FMN1: variants seen among roughly 807,000 people sequenced by gnomAD.
The protein encoded by FMN1 is formin-1.
In FMN1, 110 loss-of-function variants were observed where a neutral mutation model predicts 132.4. The ratio of observed to expected loss-of-function variants is 0.83; its 90% CI spans 0.71 to 0.97. FMN1 has a LOEUF of 0.97. FMN1 is among the 50% of genes least tolerant of loss of function. FMN1 has a pLI of 0.00. For synonymous variants in FMN1, 722 were observed against 651.7 expected, an observed-to-expected ratio of 1.11 and a Z score of -1.64; for missense variants, 1,792 against 1,705.3, an observed-to-expected ratio of 1.05 and a Z score of -0.90.
intron 15 of FMN1, among the ~76,000 whole-genome samples, chr15:32,888,571 C>T: frequency 6.6e-6 from 1 of 152,174 alleles, no homozygotes; most frequent in East Asian, 1.9e-4. Context: ...GTCAGGTCGT[C>T]CTGATCTTGG....
At chr15:33,167,219 G>T (rs1323376357) in intron 3 of FMN1, among the ~76,000 whole-genome samples, 5 of 152,108 alleles carry the variant, frequency 3.3e-5, no homozygotes, top group African/African-American at 1.2e-4. Flanking sequence ...AATCATGGTG[G>T]CGGTTTTCCC....
At chr15:33,094,828 G>A (rs561101207) in intron 4 of FMN1, among the ~76,000 whole-genome samples, 1 of 152,130 alleles carries the variant, frequency 6.6e-6, no homozygotes, top group African/African-American at 2.4e-5. Flanking sequence ...AGTTACACTG[G>A]ATATTTTAAC....
At chr15:33,075,020 C>CAAAAAAAAAAAAAAAAAAAAA in intron 5 of FMN1, among the ~76,000 whole-genome samples, 1 of 61,662 alleles carries the variant, frequency 1.6e-5, no homozygotes, top group Non-Finnish European at 2.8e-5. Context: ...GATTCCATCT[C>CAAAAAAAAAAAAAAAAAAAAA]AAAAAAAAAA....
chr15:32,788,270 G>C (rs2056947010), intron 19 of FMN1, among the ~76,000 whole-genome samples: 1 of 152,230 alleles, frequency 6.6e-6, no homozygotes, highest in African/African-American at 2.4e-5. Flanking sequence ...AAAGGTAACA[G>C]CATCGCATTC....
At chr15:32,924,818 G>A (rs1339692504) in intron 10 of FMN1, among the ~76,000 whole-genome samples, 1 of 152,186 alleles carries the variant, frequency 6.6e-6, no homozygotes, top group Admixed American at 6.5e-5. Flanking sequence ...GGAGGCTGAG[G>A]CAGGAGAATC....
chr15:33,153,782 G>A lies in FMN1; in HGVS notation c.1133C>T (p.Ala378Val), dbSNP rs114943683. Residue 378 changes from alanine to valine, a missense_variant, in exon 4 of 21, where the codon GCT becomes GTT. Physicochemically the swap from Ala to Val is moderately conservative, Grantham distance 64. Transcript: ENST00000616417. The stretch of plus-strand genomic sequence containing the variant: ...CTGCCGCCTGGAGCCATGAGCCCCA[G>A]CCTCAGCTCCCGGGAGGGTGAGCAA... ...ADLLTLPGAE[A>V]GAHGSRRQGK... 94,083 of 1,536,292 alleles carry A rather than the reference G, an allele frequency of 0.061. 3,129 individuals are homozygous for A. Among genetic ancestry groups the A allele is most frequent in the East Asian group, 0.12 (4,866 of 40,904 alleles).
chr15:32,806,894 A>AC (rs2057700855), intron 17 of FMN1, among the ~76,000 whole-genome samples: 1 of 151,618 alleles, frequency 6.6e-6, no homozygotes, highest in African/African-American at 2.4e-5. Context: ...CACACCCTCT[A>AC]CCCCTACCTT....
At chr15:32,884,051 T>C (rs2059836760) in intron 16 of FMN1, among the ~76,000 whole-genome samples, 1 of 151,792 alleles carries the variant, frequency 6.6e-6, no homozygotes, top group Non-Finnish European at 1.5e-5. Context: ...TGTGTGTTTG[T>C]GTATGTGTGT....
chr15:33,128,050 G>A (rs995749262), intron 4 of FMN1, among the ~76,000 whole-genome samples: 5 of 152,092 alleles, frequency 3.3e-5, no homozygotes, highest in African/African-American at 7.2e-5. Context: ...ACACAGGTCA[G>A]GTGACAGAAA....
chr15:33,034,028 T>C (rs916377525), intron 6 of FMN1, among the ~76,000 whole-genome samples: 1 of 152,096 alleles, frequency 6.6e-6, no homozygotes, highest in Non-Finnish European at 1.5e-5. Flanking sequence ...TGGTTCTTCT[T>C]CTCCTCTACG....
chr15:33,056,742 T>C (rs2037234835), intron 6 of FMN1, among the ~76,000 whole-genome samples: 1 of 152,212 alleles, frequency 6.6e-6, no homozygotes, highest in African/African-American at 2.4e-5. Context: ...TGTTGCAATA[T>C]ATTCATACAA....
At chr15:32,799,337 C>T (rs113615613) in intron 18 of FMN1, among the ~76,000 whole-genome samples, 2,194 of 152,256 alleles carry the variant, frequency 0.014, 25 homozygotes, top group African/African-American at 0.018. Flanking sequence ...GCATTAGCAG[C>T]GGTCAGTTCG....
chr15:32,998,424 G>C (rs2033905577), intron 7 of FMN1, among the ~76,000 whole-genome samples: 1 of 152,196 alleles, frequency 6.6e-6, no homozygotes, highest in Admixed American at 6.5e-5. Flanking sequence ...TCTTTTCCCA[G>C]GCCAGAAATG....
intron 9 of FMN1, among the ~76,000 whole-genome samples, chr15:32,944,193 C>T (rs2061456558): frequency 6.6e-6 from 1 of 152,222 alleles, no homozygotes; most frequent in Admixed American, 6.5e-5. Flanking sequence ...GCAATTGTTA[C>T]TTGGCAGGTG....
Position 33,062,491 on chromosome 15 carries a change from G to A in FMN1, c.2161+2466C>T, listed in dbSNP as rs548317068. Among the ~76,000 whole-genome samples the A allele has an allele frequency of 1.4e-3, 212 of 152,098 alleles. 1 individual carries two copies. The highest frequency in any genetic ancestry group is 4.4e-3 in the African/African-American group (184 of 41,510). Reference sequence around the variant, plus strand: ...AAAAAAAATAGTCGGGCATGGTGGCGGGCGCCTGTAGTCCCAGCTACTCGG... The same window carrying A: ...AAAAAAAATAGTCGGGCATGGTGGCAGGCGCCTGTAGTCCCAGCTACTCGG... On this transcript the variant is annotated intron_variant, in intron 6 of 20. Coordinates refer to ENST00000616417, the MANE Select transcript of FMN1 (RefSeq NM_001277313.2).
At chr15:33,132,024 C>G (rs1282105283) in intron 4 of FMN1, among the ~76,000 whole-genome samples, 2 of 152,124 alleles carry the variant, frequency 1.3e-5, no homozygotes, top group East Asian at 3.9e-4. Flanking sequence ...CCTTTGCCTT[C>G]CTTTCCACCT....
chr15:33,120,106 C>T (rs1012943694), intron 4 of FMN1, among the ~76,000 whole-genome samples: 6 of 152,144 alleles, frequency 3.9e-5, no homozygotes, highest in Non-Finnish European at 5.9e-5. Context: ...CAGTTTGATT[C>T]AGGACTCTGA....
intron 3 of FMN1, among the ~76,000 whole-genome samples, chr15:33,178,376 A>G (rs1965586542): frequency 6.6e-6 from 1 of 152,164 alleles, no homozygotes; most frequent in Admixed American, 6.5e-5. Flanking sequence ...AAAAATTTTC[A>G]ACTTGAGACT....
chr15:32,994,224 TCTCTCTCTCACA>T (rs1566802805), intron 7 of FMN1, among the ~76,000 whole-genome samples: 3 of 87,978 alleles, frequency 3.4e-5, no homozygotes, highest in South Asian at 4.7e-4. Flanking sequence ...TCTCTCTCTC[TCTCTCTCTCACA>T]CACACACACA....
Sources: gnomAD v4.1 joint callset for allele counts (sites outside exome capture counted in the v4.1 genomes callset) on GRCh38, gnomAD v4.1.1 for gene constraint, MANE v1.5 for transcripts, NCBI Gene and HGNC (gene_info 2026-07-23, HGNC 2026-07-21) for gene names.